The following CTDSP1 variants were observed in gnomAD, a reference collection of about 807,000 sequenced individuals.
CTDSP1 encodes CTD small phosphatase 1, also known as carboxy-terminal domain RNA polymerase II polypeptide A small phosphatase 1.
CTDSP1 carries 15 observed loss-of-function variants against 32.5 expected under a neutral mutation model. That is an observed-to-expected ratio of 0.46 (90% CI 0.31 to 0.71). The LOEUF (loss-of-function observed/expected upper bound fraction) is 0.71, where lower values mean the gene tolerates loss of function less well. Among genes scored for constraint, CTDSP1 ranks in the 30% least tolerant of loss-of-function variants. The pLI, the probability that CTDSP1 is intolerant of heterozygous loss-of-function variation, is 0.05. For synonymous variants in CTDSP1, 185 were observed against 145.4 expected, an observed-to-expected ratio of 1.27 and a Z score of -1.96; for missense variants, 294 against 351.1, an observed-to-expected ratio of 0.84 and a Z score of 1.30.
At chr2:218,397,483 T>C (rs1485607178), upstream of CTDSP1, among the ~76,000 whole-genome samples, 1 of 152,162 alleles carries the variant, frequency 6.6e-6, no homozygotes, top group Non-Finnish European at 1.5e-5. Context: ...TCCCCCTGGG[T>C]TGGGCTTTTA....
chr2:218,403,170 T>C (rs754234738), intron 5 of CTDSP1, 43 bp downstream of exon 5: 37 of 1,612,866 alleles, frequency 2.3e-5, no homozygotes, highest in Non-Finnish European at 2.8e-5. Context: ...CCCTCCTACC[T>C]ACCTCCCGCA....
upstream of CTDSP1, chr2:218,399,069 T>C (rs2739048): frequency 6.6e-6 from 1 of 152,308 alleles, no homozygotes; most frequent in Non-Finnish European, 1.5e-5. Context: ...AGGGCGGCCG[T>C]CGACCGCGGG....
In CTDSP1 at chr2:218,405,175, T is replaced by C. The variant is rs956906556; in HGVS notation, c.*750T>C. On this transcript the variant is annotated 3_prime_UTR_variant, in exon 7 of 7. Coordinates refer to ENST00000273062, the MANE Select transcript of CTDSP1 (RefSeq NM_021198.3). Reference sequence around the variant, plus strand: ...GCAGGACCCCCCTTGTGGTGCCATATAAATATGTACATGTGTATATAGATT... The same window carrying C: ...GCAGGACCCCCCTTGTGGTGCCATACAAATATGTACATGTGTATATAGATT... 3 of 152,780 alleles carry C rather than the reference T, an allele frequency of 2.0e-5. No individual in the cohort carries two copies. Among genetic ancestry groups the C allele is most frequent in the African/African-American group, 7.2e-5 (3 of 41,430 alleles). 9.5% of individuals were successfully genotyped at this position (152,780 alleles called of 1,614,324 possible).
chr2:218,400,552 A>ACCCCCCACCCCCC, intron 1 of CTDSP1: 1 of 304,308 alleles, frequency 3.3e-6, no homozygotes, highest in South Asian at 2.4e-5. Context: ...CCCCACCCCC[A>ACCCCCCACCCCCC]CCCCCCCGGG....
Position 218,404,551 on chromosome 2 carries a change from G to A in CTDSP1, c.*126G>A. On this transcript the variant is annotated 3_prime_UTR_variant, in exon 7 of 7. Transcript: ENST00000273062. Reference sequence around the variant, plus strand: ...CCACACTCAGTGCCATGGGGAAGCGGGCGTCTCCCCCACCAGCCCCACCAG... The same window carrying A: ...CCACACTCAGTGCCATGGGGAAGCGAGCGTCTCCCCCACCAGCCCCACCAG... 2 of 1,253,382 alleles carry A rather than the reference G, an allele frequency of 1.6e-6. No individual in the cohort carries two copies. The highest frequency in any genetic ancestry group is 2.4e-5 in the East Asian group (1 of 41,044). 77.6% of individuals were successfully genotyped at this position (1,253,382 alleles called of 1,614,324 possible).
In CTDSP1 at chr2:218,401,581, G is replaced by A; in HGVS notation, c.85G>A (p.Ala29Thr). The change falls in exon 2 of 7, where the codon GCT becomes ACT. Residue 29 changes from alanine to threonine, a missense_variant. Coordinates refer to ENST00000273062, the MANE Select transcript of CTDSP1 (RefSeq NM_021198.3). ...LRGKGDQKSA[A>T]SQKPRSRGIL... ...TACTTCAGGTGACCAGAAGTCAGCA[G>A]CTTCCCAGAAGCCCCGAAGCCGGGG... The A allele has an allele frequency of 6.2e-7, 1 of 1,613,978 alleles. No homozygotes were observed. The highest frequency in any genetic ancestry group is 8.5e-7 in the Non-Finnish European group (1 of 1,179,956).
intron 1 of CTDSP1, 166 bp from the exon 2 acceptor site, chr2:218,401,398 A>C (rs1697130405): frequency 1.4e-6 from 1 of 699,310 alleles, no homozygotes; most frequent in Non-Finnish European, 2.4e-6. Context: ...TTGATTGTGG[A>C]GCCCTGACAG....
chr2:218,398,741 T>G, upstream of CTDSP1: 1 of 295,148 alleles, frequency 3.4e-6, no homozygotes, highest in Non-Finnish European at 6.2e-6. Context: ...GAGGGGTGTT[T>G]GTCGGGCTTG....
intron 4 of CTDSP1, 151 bp downstream of exon 4, chr2:218,402,556 A>G (rs1219929184): frequency 1.2e-6 from 1 of 839,652 alleles, no homozygotes; most frequent in African/African-American, 1.7e-5. Flanking sequence ...AAAGTCACAC[A>G]GAACCTCAAG....
At chr2:218,398,306 G>T, upstream of CTDSP1, 1 of 1,001,328 alleles carries the variant, frequency 1.0e-6, no homozygotes, top group Non-Finnish European at 1.5e-6. Context: ...TCTGTGAAAT[G>T]GGTTAAGAAG....
chr2:218,398,595 C>T, upstream of CTDSP1: 1 of 617,766 alleles, frequency 1.6e-6, no homozygotes, highest in Non-Finnish European at 2.5e-6. Context: ...CCGCGCGGGG[C>T]CTCCCCTCCC....
rs188612260 is a variant in CTDSP1, at chr2:218,402,684, C to T, written c.378+279C>T. The T allele has an allele frequency of 3.3e-4, 253 of 763,792 alleles. No individual in the cohort carries two copies. In the African/African-American group the frequency reaches 3.5e-3, roughly 11 times the overall value. 47.3% of individuals were successfully genotyped at this position (763,792 alleles called of 1,614,324 possible). On this transcript the variant is annotated intron_variant, in intron 4 of 6. Transcript: ENST00000273062. ...CAAGTAATTCAGGATAGGTTGTGTG[C>T]TGTCCAGCCTGTTCTCCATTACTTG...
At chr2:218,404,024 C>A (rs889251095) in intron 6 of CTDSP1, among the ~76,000 whole-genome samples, 1 of 151,686 alleles carries the variant, frequency 6.6e-6, no homozygotes, top group Non-Finnish European at 1.5e-5. Context: ...TGTGCCACTG[C>A]ACTCTAGCCT....
chr2:218,399,750 C>G, upstream of CTDSP1: 1 of 1,026,828 alleles, frequency 9.7e-7, no homozygotes, highest in South Asian at 4.6e-5. Flanking sequence ...GCCCGCCTCC[C>G]AGTCCGCCTA....
intron 4 of CTDSP1, chr2:218,402,671 G>C (rs1417663771): frequency 1.3e-6 from 1 of 766,070 alleles, no homozygotes; most frequent in South Asian, 1.4e-5. Flanking sequence ...AGTAATTCAG[G>C]ATAGGTTGTG....
At position 218,403,133 on chromosome 2, in the gene CTDSP1, C is replaced by T; in HGVS notation, c.471+6C>T. 1 of 1,614,084 alleles carries T rather than the reference C, an allele frequency of 6.2e-7. No individual in the cohort carries two copies. The highest frequency in any genetic ancestry group is 8.5e-7 in the Non-Finnish European group (1 of 1,179,972). ...TCACTGCTAGCCTCGCCAAGGTGAG[C>T]CCCACAGGGGTCCCGGGGCAACCCT... is the stretch of plus-strand genomic sequence containing the variant. On this transcript the variant is annotated splice_donor_region_variant and intron_variant, in intron 5 of 6. Coordinates refer to ENST00000273062, the MANE Select transcript of CTDSP1 (RefSeq NM_021198.3).
chr2:218,404,152 G>A, intron 6 of CTDSP1, 145 bp from the exon 7 acceptor site: 2 of 879,376 alleles, frequency 2.3e-6, no homozygotes, highest in Non-Finnish European at 3.5e-6. Context: ...GTTTTCCTGG[G>A]GATTGCTGTC....
upstream of CTDSP1, chr2:218,398,815 A>C: frequency 1.1e-5 from 2 of 175,976 alleles, no homozygotes; most frequent in Non-Finnish European, 2.4e-5. Context: ...GAACTTCATA[A>C]ACGAGGAAAA....
chr2:218,400,895 C>T (rs1226052532), intron 1 of CTDSP1: 3 of 455,818 alleles, frequency 6.6e-6, no homozygotes, highest in South Asian at 1.5e-5. Flanking sequence ...ACGCTGCCCC[C>T]AGGTCTGCCC....
Sources: gnomAD v4.1 joint callset for allele counts (sites outside exome capture counted in the v4.1 genomes callset) on GRCh38, gnomAD v4.1.1 for gene constraint, MANE v1.5 for transcripts, NCBI Gene and HGNC (gene_info 2026-07-23, HGNC 2026-07-21) for gene names.